Variants in PLXDC2 observed in about 807,000 individuals in gnomAD.
PLXDC2 encodes plexin domain containing 2.
PLXDC2 carries 40 observed loss-of-function variants against 68.9 expected under a neutral mutation model. The ratio of observed to expected loss-of-function variants is 0.58; its 90% CI spans 0.45 to 0.76. The LOEUF is 0.76. Among genes scored for constraint, PLXDC2 ranks in the 30% least tolerant of loss-of-function variants. The probability of loss-of-function intolerance (pLI) is 0.00; values close to 1 mark genes in which losing one functional copy is unlikely to be tolerated. For synonymous variants in PLXDC2, 243 were observed against 234.2 expected (o/e 1.04, Z -0.34); for missense variants, 644 against 661.9 (o/e 0.97, Z 0.30).
rs917711462 is a variant in PLXDC2 at position 19,816,923 on chromosome 10, C to T, written c.-157C>T. The T allele has an allele frequency of 4.9e-6, 3 of 610,178 alleles. No individual in the cohort carries two copies. Among genetic ancestry groups the T allele is most frequent in the East Asian group, 2.8e-5 (1 of 36,300 alleles). 37.8% of individuals were successfully genotyped at this position (610,178 alleles called of 1,614,324 possible). A position where few individuals can be genotyped will look rare whatever the true frequency, so the allele number is the denominator to read the frequency against. On this transcript the variant is annotated 5_prime_UTR_variant, in exon 1 of 14. Transcript: ENST00000377252. ...ACTCGCGTTCGCTTCTTCCTCTTCT[C>T]GGTTCCCTACTGTGAAATCGCAGCG...
Position 20,001,742 on chromosome 10 carries a change from A to C in PLXDC2, c.113-33A>C, listed in dbSNP as rs372281866. 36 of 1,584,054 alleles carry C rather than the reference A, an allele frequency of 2.3e-5. No individual in the cohort carries two copies. The African/African-American group carries it at 4.0e-4, about 18-fold the overall frequency. On this transcript the variant is annotated intron_variant, in intron 1 of 13. Transcript: ENST00000377252. ...ACTTGCATGTATGGTACACATAATG[A>C]GTGGTAACCCATTTTCTTTCTTTTT...
chr10:20,267,933 TTCCTTA>T (rs369952290), intron 13 of PLXDC2, among the ~76,000 whole-genome samples: 15 of 152,172 alleles, frequency 9.9e-5, no homozygotes, highest in African/African-American at 3.1e-4. Context: ...TTATCAGCAC[TTCCTTA>T]TCACAGGATG....
intron 1 of PLXDC2, among the ~76,000 whole-genome samples, chr10:19,860,933 T>G (rs931332183): frequency 3.9e-5 from 6 of 152,082 alleles, no homozygotes; most frequent in Non-Finnish European, 5.9e-5. Flanking sequence ...TTTCTCAACA[T>G]CTCTTAAATT....
chr10:20,090,497 A>G (rs1833262150), intron 4 of PLXDC2, among the ~76,000 whole-genome samples: 1 of 152,120 alleles, frequency 6.6e-6, no homozygotes, highest in Admixed American at 6.6e-5. Flanking sequence ...AATATTGTCC[A>G]TATATTTAAA....
chr10:19,953,390 T>A (rs74122123), intron 1 of PLXDC2, among the ~76,000 whole-genome samples: 3,809 of 152,258 alleles, frequency 0.025, 163 homozygotes, highest in African/African-American at 0.086. Context: ...AAACACTGGA[T>A]GTATATACCT....
At chr10:19,969,732 G>T (rs1210290420) in intron 1 of PLXDC2, among the ~76,000 whole-genome samples, 1 of 152,190 alleles carries the variant, frequency 6.6e-6, no homozygotes, top group Non-Finnish European at 1.5e-5. Context: ...ACTATACTCA[G>T]TAATTTGTCA....
At chr10:20,133,244 A>G (rs2131778391) in intron 4 of PLXDC2, among the ~76,000 whole-genome samples, 1 of 152,302 alleles carries the variant, frequency 6.6e-6, no homozygotes, top group South Asian at 2.1e-4. Context: ...GTTGTGGAGC[A>G]CTATTGGAAT....
At chr10:20,136,374 G>A (rs7902038) in intron 4 of PLXDC2, among the ~76,000 whole-genome samples, 3,977 of 152,266 alleles carry the variant, frequency 0.026, 75 homozygotes, top group South Asian at 0.07. Flanking sequence ...ATTAAAGAAG[G>A]TAGTTTATAG....
chr10:19,886,741 T>C (rs911481236), intron 1 of PLXDC2, among the ~76,000 whole-genome samples: 1 of 152,124 alleles, frequency 6.6e-6, no homozygotes, highest in Non-Finnish European at 1.5e-5. Flanking sequence ...CTCTCACCAC[T>C]CCTATTCAAC....
intron 4 of PLXDC2, among the ~76,000 whole-genome samples, chr10:20,088,509 T>C (rs1288656455): frequency 6.6e-6 from 1 of 152,192 alleles, no homozygotes; most frequent in Non-Finnish European, 1.5e-5. Flanking sequence ...CATGGGACAC[T>C]GCTGGGTACT....
At chr10:20,195,854 A>G (rs1333025452) in intron 9 of PLXDC2, among the ~76,000 whole-genome samples, 2 of 152,120 alleles carry the variant, frequency 1.3e-5, no homozygotes. Context: ...ATTAAACTGA[A>G]CAGCACTGAA....
At chr10:20,185,173 A>C (rs924983370) in intron 9 of PLXDC2, among the ~76,000 whole-genome samples, 4 of 150,720 alleles carry the variant, frequency 2.7e-5, no homozygotes, top group Non-Finnish European at 4.4e-5. Flanking sequence ...AAAAAAAAAA[A>C]AAAAAAAAAA....
intron 13 of PLXDC2, among the ~76,000 whole-genome samples, chr10:20,246,270 T>C (rs1207131422): frequency 6.6e-6 from 1 of 152,234 alleles, no homozygotes; most frequent in Non-Finnish European, 1.5e-5. Context: ...GACCAGTGGA[T>C]ACAGTCTGTG....
chr10:20,213,997 T>G (rs1453634030), intron 10 of PLXDC2, among the ~76,000 whole-genome samples: 3 of 152,100 alleles, frequency 2.0e-5, no homozygotes, highest in Non-Finnish European at 4.4e-5. Flanking sequence ...ATTTACCGGT[T>G]TATTAACTCT....
chr10:19,976,075 T>G (rs577299939), intron 1 of PLXDC2, among the ~76,000 whole-genome samples: 55 of 152,338 alleles, frequency 3.6e-4, no homozygotes, highest in African/African-American at 1.3e-3. Flanking sequence ...CCTATCCCCA[T>G]GCAAAGTTGG....
intron 13 of PLXDC2, among the ~76,000 whole-genome samples, chr10:20,273,305 T>C (rs2119386708): frequency 6.6e-6 from 1 of 152,294 alleles, no homozygotes; most frequent in Admixed American, 6.5e-5. Flanking sequence ...ATCGACAAAG[T>C]TCAAAACAAG....
Position 20,288,745 on chromosome 10 carries a change from C to T in PLXDC2, c.*8926C>T, listed in dbSNP as rs991781829. The stretch of plus-strand genomic sequence containing the variant: ...AAACCAAGTTTCTCTGCAGCTCTTT[C>T]GGTTCTGCTTACAGTGTGTGGGAAA... On this transcript the variant is annotated 3_prime_UTR_variant, in exon 14 of 14. Transcript: ENST00000377252. The T allele has an allele frequency of 4.6e-5, 7 of 152,140 alleles. No homozygotes were observed. The highest frequency in any genetic ancestry group is 6.5e-5 in the Admixed American group (1 of 15,276). 9.4% of individuals were successfully genotyped at this position (152,140 alleles called of 1,614,324 possible). A position where few individuals can be genotyped will look rare whatever the true frequency, so the allele number is the denominator to read the frequency against.
intron 1 of PLXDC2, among the ~76,000 whole-genome samples, chr10:19,859,956 C>T (rs1003945875): frequency 1.3e-5 from 2 of 152,116 alleles, no homozygotes; most frequent in African/African-American, 2.4e-5. Flanking sequence ...GCTCAAACTC[C>T]TGATCTCAAG....
intron 1 of PLXDC2, among the ~76,000 whole-genome samples, chr10:19,864,657 T>C (rs1837380735): frequency 1.3e-5 from 2 of 152,210 alleles, no homozygotes; most frequent in South Asian, 4.1e-4. Flanking sequence ...TTATTATATG[T>C]GCTACTGTTA....
Sources: allele counts gnomAD v4.1 joint callset (sites outside exome capture counted in the v4.1 genomes callset), GRCh38; gene constraint gnomAD v4.1.1; transcripts MANE v1.5; gene names NCBI Gene and HGNC (gene_info 2026-07-23, HGNC 2026-07-21).